Variants in C12orf42 observed in about 807,000 individuals in gnomAD.
C12orf42 encodes chromosome 12 open reading frame 42, also known as uncharacterized protein C12orf42.
Under a neutral mutation model 21.6 loss-of-function variants are expected in C12orf42, and 25 were observed. That is an observed-to-expected ratio of 1.16 (90% CI 0.84 to 1.62). C12orf42 has a LOEUF of 1.62. Among genes scored for constraint, C12orf42 ranks in the 40% most tolerant of loss-of-function variants. The pLI, the probability that C12orf42 is intolerant of heterozygous loss-of-function variation, is 0.00. For synonymous variants in C12orf42, 174 were observed against 175.0 expected (o/e 0.99, Z 0.05); for missense variants, 483 against 459.3 (o/e 1.05, Z -0.47).
At chr12:103,247,797 G>A (rs1266629553) in intron 10 of C12orf42, among the ~76,000 whole-genome samples, 2 of 151,926 alleles carry the variant, frequency 1.3e-5, no homozygotes, top group East Asian at 3.9e-4. Flanking sequence ...TTTTTAAATG[G>A]TCAGGTAGCC....
intron 1 of C12orf42, among the ~76,000 whole-genome samples, chr12:103,486,294 G>A (rs1295091822): frequency 6.6e-6 from 1 of 152,150 alleles, no homozygotes; most frequent in Non-Finnish European, 1.5e-5. Flanking sequence ...TGCATATGTT[G>A]AGCCAGCCTT....
At chr12:103,473,790 T>C (rs956100329) in intron 2 of C12orf42, among the ~76,000 whole-genome samples, 3 of 152,332 alleles carry the variant, frequency 2.0e-5, no homozygotes, top group East Asian at 3.9e-4. Flanking sequence ...GAATGCCATA[T>C]TGTATTTCTT....
At chr12:103,418,703 G>A (rs2049590375) in intron 2 of C12orf42, among the ~76,000 whole-genome samples, 1 of 152,078 alleles carries the variant, frequency 6.6e-6, no homozygotes, top group Admixed American at 6.5e-5. Flanking sequence ...GATACAGGAA[G>A]AGGGGCCAGT....
chr12:103,120,520 G>A, the C12orf42 span, among the ~76,000 whole-genome samples: 1 of 152,076 alleles, frequency 6.6e-6, no homozygotes, highest in African/African-American at 2.4e-5. Context: ...GTGAGAAAGA[G>A]GAGGGAGATA....
chr12:103,281,915 A>AAAAGAAAG (rs3063699), intron 4 of C12orf42, among the ~76,000 whole-genome samples: 23,810 of 141,710 alleles, frequency 0.17, 2,098 homozygotes, highest in East Asian at 0.19. Flanking sequence ...AGAAGAAAGA[A>AAAAGAAAG]AAAGAAAGAA....
chr12:103,108,034 T>G, the C12orf42 span, among the ~76,000 whole-genome samples: 1 of 151,230 alleles, frequency 6.6e-6, no homozygotes, highest in Non-Finnish European at 1.5e-5. Context: ...AAAGAAAAAA[T>G]AGAAGACATG....
At chr12:103,204,671 G>GA in the C12orf42 span, among the ~76,000 whole-genome samples, 1 of 152,152 alleles carries the variant, frequency 6.6e-6, no homozygotes, top group African/African-American at 2.4e-5. Flanking sequence ...AATTGAATGA[G>GA]ATAGTATATT....
At chr12:103,138,010 A>G in the C12orf42 span, among the ~76,000 whole-genome samples, 1 of 152,208 alleles carries the variant, frequency 6.6e-6, no homozygotes, top group Non-Finnish European at 1.5e-5. Context: ...CAAAATAGCT[A>G]GAAAGGAAGA....
At chr12:103,528,227 A>G in the C12orf42 span, among the ~76,000 whole-genome samples, 1 of 152,260 alleles carries the variant, frequency 6.6e-6, no homozygotes, top group Non-Finnish European at 1.5e-5. Flanking sequence ...GAAGTCAGGA[A>G]GAGAAGATGA....
Position 103,459,076 on chromosome 12 carries a change from A to G in C12orf42, c.78+19273T>C, listed in dbSNP as rs74876212. Among the ~76,000 whole-genome samples the G allele has an allele frequency of 5.5e-3, 836 of 152,240 alleles. 10 individuals carry two copies. Among genetic ancestry groups the G allele is most frequent in the African/African-American group, 0.019 (790 of 41,554 alleles). ...GTGTATGGAAGCTTCCTAGACTGGC[A>G]TGCAGTCTAAGAAAATATCTACAAC... On this transcript the variant is annotated intron_variant, in intron 2 of 5. Transcript: ENST00000548883.
chr12:103,315,282 A>G (rs1258127634), intron 4 of C12orf42, among the ~76,000 whole-genome samples: 2 of 152,200 alleles, frequency 1.3e-5, no homozygotes, highest in African/African-American at 4.8e-5. Flanking sequence ...GGAATTTTCA[A>G]ATAAAGAATT....
chr12:103,449,986 CTT>C (rs1424090201), intron 2 of C12orf42, among the ~76,000 whole-genome samples: 1 of 151,230 alleles, frequency 6.6e-6, no homozygotes, highest in Admixed American at 6.6e-5. Context: ...AAAGTTATAT[CTT>C]TTAATTTTTT....
the C12orf42 span, among the ~76,000 whole-genome samples, chr12:103,112,721 A>G: frequency 0.023 from 3,542 of 152,280 alleles, 61 homozygotes; most frequent in African/African-American, 0.047. Flanking sequence ...TAGATGAAAT[A>G]CAAACTAAGT....
chr12:103,302,684 A>G (rs1356214469), intron 5 of C12orf42, 125 bp from the exon 6 acceptor site: 14 of 740,972 alleles, frequency 1.9e-5, no homozygotes, highest in South Asian at 2.3e-5. Flanking sequence ...GGGAAAGAAA[A>G]AAAAAAAAAA....
chr12:103,333,612 G>A (rs1244065640), intron 4 of C12orf42, among the ~76,000 whole-genome samples: 1 of 152,072 alleles, frequency 6.6e-6, no homozygotes, highest in Non-Finnish European at 1.5e-5. Flanking sequence ...CTGTGCCCTG[G>A]CTCTAAAAAC....
chr12:103,125,246 A>T, the C12orf42 span, among the ~76,000 whole-genome samples: 1 of 150,448 alleles, frequency 6.6e-6, no homozygotes, highest in South Asian at 2.1e-4. Flanking sequence ...GCAGCTTTTT[A>T]AAAAAAGGTA....
the C12orf42 span, among the ~76,000 whole-genome samples, chr12:103,524,984 G>T: frequency 1.3e-5 from 2 of 150,642 alleles, no homozygotes; most frequent in Non-Finnish European, 3.0e-5. Flanking sequence ...AGGGGGGCAG[G>T]TCTGGGGAGA....
At chr12:103,415,514 A>G (rs2049236126) in intron 2 of C12orf42, among the ~76,000 whole-genome samples, 1 of 152,214 alleles carries the variant, frequency 6.6e-6, no homozygotes, top group Admixed American at 6.5e-5. Context: ...TTCTAAGATC[A>G]GCCACATGCT....
At chr12:103,137,834 T>C in the C12orf42 span, among the ~76,000 whole-genome samples, 1 of 151,702 alleles carries the variant, frequency 6.6e-6, no homozygotes, top group Non-Finnish European at 1.5e-5. Flanking sequence ...CTCTTGGAGG[T>C]AGAGAGTAGA....
Sources: gnomAD v4.1 joint callset for allele counts (sites outside exome capture counted in the v4.1 genomes callset) on GRCh38, gnomAD v4.1.1 for gene constraint, MANE v1.5 for transcripts, NCBI Gene and HGNC (gene_info 2026-07-23, HGNC 2026-07-21) for gene names.